GAD2: variants seen among roughly 807,000 people sequenced by gnomAD.
GAD2 encodes 65 kDa glutamic acid decarboxylase.
In GAD2, 22 loss-of-function variants were observed where a neutral mutation model predicts 80.1. The observed-to-expected ratio is 0.27, with a 90% CI of 0.20 to 0.39. GAD2 has a LOEUF of 0.39. Ranked by LOEUF, GAD2 falls within the 10% of genes least tolerant of loss-of-function variation. The pLI is 1.00. For missense variants in GAD2, 624 were observed against 738.4 expected (o/e 0.85, Z 1.80); for synonymous variants, 274 against 256.9 (o/e 1.07, Z -0.64).
In GAD2 at chr10:26,292,493, A is replaced by G. The variant is rs1291721733; in HGVS notation, c.1415A>G (p.Asp472Gly). 1.2e-6 allele frequency: 2 copies of G among 1,614,068 alleles called. No homozygotes were observed. Among genetic ancestry groups the G allele is most frequent in the Non-Finnish European group, 1.7e-6 (2 of 1,179,944 alleles). ...KGTTGFEAHV[D>G]KCLELAEYLY... Reference sequence around the variant, plus strand: ...ACTACCGGGTTTGAAGCGCATGTTGATAAATGTTTGGAGTTGGCAGAGTAT... The same window carrying G: ...ACTACCGGGTTTGAAGCGCATGTTGGTAAATGTTTGGAGTTGGCAGAGTAT... The change falls in exon 14 of 16, where the codon GAT becomes GGT. Residue 472 changes from aspartate to glycine, a missense_variant. Transcript: ENST00000376261.
At chr10:26,298,756 G>A (rs921342086) in intron 15 of GAD2, among the ~76,000 whole-genome samples, 6 of 152,136 alleles carry the variant, frequency 3.9e-5, no homozygotes, top group Non-Finnish European at 7.3e-5. Context: ...GCAGCCAAGT[G>A]GATTTGGAAT....
chr10:26,268,264 C>T (rs1048097635), intron 8 of GAD2, among the ~76,000 whole-genome samples: 11 of 152,050 alleles, frequency 7.2e-5, no homozygotes, highest in Admixed American at 3.3e-4. Flanking sequence ...GTCAGGAGAT[C>T]GAGACCATCC....
intron 11 of GAD2, among the ~76,000 whole-genome samples, chr10:26,277,985 G>A (rs1305939706): frequency 1.3e-5 from 2 of 150,800 alleles, no homozygotes; most frequent in Non-Finnish European, 2.9e-5. Flanking sequence ...ATGAACCTGA[G>A]GCTGTTTTTT....
At chr10:26,229,209 A>T (rs1433596921) in intron 6 of GAD2, among the ~76,000 whole-genome samples, 1 of 151,974 alleles carries the variant, frequency 6.6e-6, no homozygotes, top group African/African-American at 2.4e-5. Context: ...AAAAAAAAAA[A>T]AGTTGATTAG....
At chr10:26,242,266 G>A (rs1011215910) in intron 7 of GAD2, among the ~76,000 whole-genome samples, 1 of 151,340 alleles carries the variant, frequency 6.6e-6, no homozygotes, top group Non-Finnish European at 1.5e-5. Context: ...GATTACAGGC[G>A]TGAGCCACCG....
intron 7 of GAD2, among the ~76,000 whole-genome samples, chr10:26,230,710 C>T (rs1244769121): frequency 2.0e-5 from 3 of 150,888 alleles, no homozygotes; most frequent in Admixed American, 6.6e-5. Context: ...GCTGAGATTA[C>T]AGGCGTGAGC....
chr10:26,276,354 T>C (rs1845207134), intron 11 of GAD2, among the ~76,000 whole-genome samples: 1 of 152,008 alleles, frequency 6.6e-6, no homozygotes, highest in Admixed American at 6.6e-5. Context: ...AGCATGACTC[T>C]GTGCATTGTA....
chr10:26,246,243 A>G (rs1196728538), intron 8 of GAD2, among the ~76,000 whole-genome samples: 3 of 152,184 alleles, frequency 2.0e-5, no homozygotes, highest in Non-Finnish European at 4.4e-5. Context: ...CCATCAAAAT[A>G]TTCTACACCA....
chr10:26,287,977 C>T (rs971018635), intron 13 of GAD2, among the ~76,000 whole-genome samples: 24 of 152,312 alleles, frequency 1.6e-4, no homozygotes, highest in African/African-American at 5.5e-4. Flanking sequence ...TGAATGGGTT[C>T]TTCCACAAGT....
At chr10:26,244,716 G>T (rs1438859665) in intron 7 of GAD2, among the ~76,000 whole-genome samples, 1 of 152,150 alleles carries the variant, frequency 6.6e-6, no homozygotes, top group African/African-American at 2.4e-5. Context: ...GTATTCAGGG[G>T]TTGGGGGTGG....
chr10:26,229,058 G>A (rs1844565543), intron 6 of GAD2, among the ~76,000 whole-genome samples: 1 of 152,094 alleles, frequency 6.6e-6, no homozygotes, highest in Non-Finnish European at 1.5e-5. Context: ...GCCGGGTGTG[G>A]TGGTGCATGC....
intron 6 of GAD2, among the ~76,000 whole-genome samples, chr10:26,228,793 C>A (rs977102152): frequency 6.6e-6 from 1 of 152,138 alleles, no homozygotes; most frequent in African/African-American, 2.4e-5. Context: ...AAAGCATTCT[C>A]CACCCCACCC....
Position 26,303,784 on chromosome 10 carries a change from T to C in GAD2, c.*2823T>C, listed in dbSNP as rs939476465. 1.3e-5 allele frequency: 2 copies of C among 152,244 alleles called. No homozygotes were observed. Among genetic ancestry groups the C allele is most frequent in the African/African-American group, 4.8e-5 (2 of 41,458 alleles). The allele number at this position is 152,244 out of a possible 1,614,324, so 9.4% of individuals were successfully genotyped here. A position where few individuals can be genotyped will look rare whatever the true frequency, so the allele number is the denominator to read the frequency against. On this transcript the variant is annotated 3_prime_UTR_variant, in exon 16 of 16. Transcript: ENST00000376261. ...GAAAAGGAAATCAATTCTGACTGTG[T>C]TGCCTTTATTATCTGGATAATACTG...
rs759039649 is a variant in GAD2 at position 26,229,744 on chromosome 10, T to C, written c.807T>C (p.Ala269=). ...FPEVKEKGMA[A]LPRLIAFTSE... ...AAGTCAAGGAGAAAGGAATGGCTGC[T>C]CTTCCCAGGCTCATTGCCTTCACGT... The change falls in exon 7 of 16, where the codon GCT becomes GCC. Residue 269 remains alanine, a synonymous_variant. Coordinates refer to ENST00000376261, the MANE Select transcript of GAD2 (RefSeq NM_001134366.2). 3.1e-6 allele frequency: 5 copies of C among 1,613,956 alleles called. No individual in the cohort carries two copies. In the African/African-American group the frequency reaches 6.7e-5, roughly 22 times the overall value.
chr10:26,292,798 G>T, intron 14 of GAD2, 104 bp from the exon 15 acceptor site: 1 of 1,000,282 alleles, frequency 1.0e-6, no homozygotes. Context: ...TTGAAAAGTG[G>T]GAATTGTGTT....
intron 15 of GAD2, among the ~76,000 whole-genome samples, chr10:26,298,661 T>A (rs910141995): frequency 8.5e-5 from 13 of 152,224 alleles, no homozygotes; most frequent in African/African-American, 3.1e-4. Context: ...AGCTCTGTCA[T>A]TATTTTATCA....
At chr10:26,260,099 G>A (rs8190692) in intron 8 of GAD2, among the ~76,000 whole-genome samples, 3 of 152,154 alleles carry the variant, frequency 2.0e-5, no homozygotes, top group South Asian at 4.1e-4. Context: ...GACACTATAA[G>A]TATTTACTGA....
At chr10:26,283,858 C>A (rs139679837) in intron 12 of GAD2, among the ~76,000 whole-genome samples, 2 of 152,076 alleles carry the variant, frequency 1.3e-5, no homozygotes, top group Non-Finnish European at 2.9e-5. Context: ...AAGGACCTAC[C>A]GACTGGCAAT....
chr10:26,283,440 G>A (rs1348702636), intron 12 of GAD2, among the ~76,000 whole-genome samples: 1 of 152,198 alleles, frequency 6.6e-6, no homozygotes, highest in Admixed American at 6.5e-5. Context: ...GACAAGGAAG[G>A]CTTGTTTCTA....
Sources: allele counts gnomAD v4.1 joint callset (sites outside exome capture counted in the v4.1 genomes callset), GRCh38; gene constraint gnomAD v4.1.1; transcripts MANE v1.5; gene names NCBI Gene and HGNC (gene_info 2026-07-23, HGNC 2026-07-21).